The following NUP210L variants were observed in gnomAD, a reference collection of about 807,000 sequenced individuals.
The protein encoded by NUP210L is nuclear pore membrane glycoprotein 210-like.
A neutral mutation model predicts 208.5 loss-of-function variants in NUP210L; 74 were observed. That is an observed-to-expected ratio of 0.35 (90% CI 0.29 to 0.43). The LOEUF (loss-of-function observed/expected upper bound fraction) is 0.43, where lower values mean the gene tolerates loss of function less well. Among genes scored for constraint, NUP210L ranks in the 20% least tolerant of loss-of-function variants. The probability of loss-of-function intolerance (pLI) is 1.00; values close to 1 mark genes in which losing one functional copy is unlikely to be tolerated. For missense variants in NUP210L, 1,843 were observed against 2,289.4 expected (o/e 0.81, Z 3.98); for synonymous variants, 780 against 816.9 (o/e 0.95, Z 0.77).
At chr1:154,152,464 G>A (rs888324051) in intron 2 of NUP210L, among the ~76,000 whole-genome samples, 4 of 145,654 alleles carry the variant, frequency 2.7e-5, no homozygotes, top group African/African-American at 5.0e-5. Flanking sequence ...GCGAGCCACC[G>A]CCCCCAGCCA....
At chr1:154,059,624 C>T (rs888690129) in intron 20 of NUP210L, among the ~76,000 whole-genome samples, 6 of 152,106 alleles carry the variant, frequency 3.9e-5, no homozygotes, top group African/African-American at 9.7e-5. Flanking sequence ...AGAAAAATCG[C>T]GTGCATTTAT....
intron 7 of NUP210L, among the ~76,000 whole-genome samples, chr1:154,135,086 T>G (rs185014828): frequency 4.6e-5 from 7 of 152,228 alleles, no homozygotes; most frequent in Non-Finnish European, 1.5e-5. Flanking sequence ...TTTAGTGAAT[T>G]TTTAAAAATT....
chr1:154,135,747 C>T (rs1571316208), intron 7 of NUP210L, 67 bp downstream of exon 7: 13 of 1,394,326 alleles, frequency 9.3e-6, no homozygotes, highest in Non-Finnish European at 1.3e-5. Flanking sequence ...AATTATTTTA[C>T]CAAAGAACAT....
intron 1 of NUP210L, among the ~76,000 whole-genome samples, chr1:154,153,905 G>A (rs1168673219): frequency 6.6e-6 from 1 of 151,942 alleles, no homozygotes; most frequent in South Asian, 2.1e-4. Flanking sequence ...TTTATACTCG[G>A]AACAAACCTC....
chr1:154,119,580 C>A (rs2494663), intron 10 of NUP210L, among the ~76,000 whole-genome samples: 84,410 of 151,736 alleles, frequency 0.56, 24,475 homozygotes, highest in African/African-American at 0.69. Flanking sequence ...AATAGGGAAA[C>A]CTGGTCTCAA....
intron 17 of NUP210L, among the ~76,000 whole-genome samples, chr1:154,065,868 G>A (rs1378726347): frequency 1.5e-5 from 2 of 131,868 alleles, no homozygotes; most frequent in African/African-American, 5.9e-5. Context: ...ACCCCAGCCT[G>A]GGCAACACAG....
chr1:154,033,431 G>A (rs991891667), intron 27 of NUP210L, among the ~76,000 whole-genome samples: 2 of 152,090 alleles, frequency 1.3e-5, no homozygotes, highest in Admixed American at 1.3e-4. Context: ...TGCATATGGC[G>A]AGAGATGGGG....
chr1:154,150,016 C>A (rs2148160675), intron 2 of NUP210L, among the ~76,000 whole-genome samples: 1 of 152,110 alleles, frequency 6.6e-6, no homozygotes, highest in South Asian at 2.1e-4. Flanking sequence ...CTGCTTAACT[C>A]CAGGAGTTTG....
chr1:154,125,565 T>C (rs1483365831), intron 10 of NUP210L, among the ~76,000 whole-genome samples: 1 of 145,758 alleles, frequency 6.9e-6, no homozygotes, highest in African/African-American at 2.6e-5. Context: ...CAGGCTGCAG[T>C]GAGCCATGAG....
At chr1:154,136,699 C>A (rs1478926368) in intron 6 of NUP210L, among the ~76,000 whole-genome samples, 1 of 150,450 alleles carries the variant, frequency 6.6e-6, no homozygotes, top group East Asian at 2.0e-4. Context: ...GGTGGGTGAA[C>A]CACGAGGTCA....
chr1:154,123,063 A>G (rs1297068881), intron 10 of NUP210L, among the ~76,000 whole-genome samples: 4 of 134,642 alleles, frequency 3.0e-5, no homozygotes, highest in Admixed American at 2.2e-4. Flanking sequence ...AAAAAAAAAA[A>G]AAAAAACCAC....
At chr1:154,149,126 C>T (rs983640867) in intron 2 of NUP210L, among the ~76,000 whole-genome samples, 7 of 124,478 alleles carry the variant, frequency 5.6e-5, no homozygotes, top group African/African-American at 2.1e-4. Flanking sequence ...GCTCTTGTCG[C>T]CCAGGCTGGA....
At chr1:154,057,434 T>A (rs954426673) in intron 22 of NUP210L, among the ~76,000 whole-genome samples, 8 of 152,046 alleles carry the variant, frequency 5.3e-5, no homozygotes, top group South Asian at 4.1e-4. Context: ...GAGGCAAAAA[T>A]TTGTTCTAAG....
intron 10 of NUP210L, among the ~76,000 whole-genome samples, chr1:154,124,192 GAAAA>G (rs71584176): frequency 8.3e-6 from 1 of 120,106 alleles, no homozygotes; most frequent in Admixed American, 9.4e-5. Flanking sequence ...ATCTCAAAAA[GAAAA>G]AAAAAAAAAA....
rs549063397 is a variant in NUP210L, at chr1:154,076,245, A to AG, written c.2362-5781dup. Among the ~76,000 whole-genome samples the AG allele has an allele frequency of 2.8e-3, 423 of 151,940 alleles. 2 individuals carry two copies. The highest frequency in any genetic ancestry group is 8.8e-3 in the African/African-American group (363 of 41,434). On this transcript the variant is annotated intron_variant, in intron 16 of 39. Coordinates refer to ENST00000368559, the Ensembl canonical transcript of NUP210L. The stretch of plus-strand genomic sequence containing the variant: ...CAGCCTCCCTAGTAGCTGGGACTAC[A>AG]GGCGTGTGCCACCACGCCCGGCTAA...
At chr1:154,028,415 C>T (rs543856477) in intron 28 of NUP210L, among the ~76,000 whole-genome samples, 1 of 152,062 alleles carries the variant, frequency 6.6e-6, no homozygotes, top group African/African-American at 2.4e-5. Context: ...AACGAAACTC[C>T]ATCTCTACTA....
At chr1:154,135,425 C>CTT (rs1210397395) in intron 7 of NUP210L, among the ~76,000 whole-genome samples, 31 of 144,450 alleles carry the variant, frequency 2.1e-4, no homozygotes, top group African/African-American at 7.6e-4. Flanking sequence ...GTATTATAAT[C>CTT]TTTTTTTTTT....
intron 33 of NUP210L, among the ~76,000 whole-genome samples, chr1:154,017,801 C>A (rs1350776822): frequency 6.6e-6 from 1 of 152,022 alleles, no homozygotes; most frequent in East Asian, 1.9e-4. Flanking sequence ...GAGGCGTGAG[C>A]CACGGCACTA....
chr1:154,124,274 T>C (rs1657772970), intron 10 of NUP210L, among the ~76,000 whole-genome samples: 1 of 149,112 alleles, frequency 6.7e-6, no homozygotes, highest in African/African-American at 2.5e-5. Context: ...AGAATTGACA[T>C]GGCACTTAAT....
Sources: allele counts gnomAD v4.1 joint callset (sites outside exome capture counted in the v4.1 genomes callset), GRCh38; gene constraint gnomAD v4.1.1; transcripts MANE v1.5; gene names NCBI Gene and HGNC (gene_info 2026-07-23, HGNC 2026-07-21).